The following KCNMB2 variants were observed in gnomAD, a reference collection of about 807,000 sequenced individuals.
KCNMB2 encodes calcium-activated potassium channel subunit beta-2.
Under a neutral mutation model 24.5 loss-of-function variants are expected in KCNMB2, and 9 were observed. The observed-to-expected ratio is 0.37, with a 90% CI of 0.22 to 0.64. The LOEUF is 0.64. KCNMB2 is among the 30% of genes least tolerant of loss of function. The pLI is 0.63. For synonymous variants in KCNMB2, 109 were observed against 104.4 expected (o/e 1.04, Z -0.27); for missense variants, 226 against 284.3 (o/e 0.79, Z 1.47).
At chr3:178,682,416 T>A (rs372679180) in intron 1 of KCNMB2, among the ~76,000 whole-genome samples, 250 of 152,140 alleles carry the variant, frequency 1.6e-3, no homozygotes, top group African/African-American at 5.8e-3. Context: ...TCCTCAAGTA[T>A]AATGTTGATT....
chr3:178,799,883 T>A (rs923477387), intron 1 of KCNMB2, among the ~76,000 whole-genome samples: 1 of 151,960 alleles, frequency 6.6e-6, no homozygotes, highest in African/African-American at 2.4e-5. Flanking sequence ...CACATCTACA[T>A]TAAACTCATT....
chr3:178,544,895 A>G (rs1715728340), intron 1 of KCNMB2, among the ~76,000 whole-genome samples: 1 of 152,208 alleles, frequency 6.6e-6, no homozygotes, highest in Non-Finnish European at 1.5e-5. Context: ...GACTAGAACT[A>G]TATTAAGTAT....
intron 1 of KCNMB2, among the ~76,000 whole-genome samples, chr3:178,652,101 C>T (rs1185813582): frequency 7.6e-6 from 1 of 131,594 alleles, no homozygotes; most frequent in Non-Finnish European, 1.6e-5. Flanking sequence ...AACTTCTGCA[C>T]AGCAAAAGAA....
chr3:178,606,778 AG>A (rs1312169608), intron 1 of KCNMB2, among the ~76,000 whole-genome samples: 1 of 152,148 alleles, frequency 6.6e-6, no homozygotes, highest in East Asian at 1.9e-4. Flanking sequence ...TTAAGAGGTA[AG>A]GGGCTTTGGT....
chr3:178,553,722 T>G (rs1716034438), intron 1 of KCNMB2, among the ~76,000 whole-genome samples: 1 of 152,050 alleles, frequency 6.6e-6, no homozygotes, highest in Non-Finnish European at 1.5e-5. Flanking sequence ...GTATTTTTAG[T>G]AGAGATGGGG....
chr3:178,553,648 T>C (rs746168920), intron 1 of KCNMB2, among the ~76,000 whole-genome samples: 2 of 152,012 alleles, frequency 1.3e-5, no homozygotes, highest in Non-Finnish European at 2.9e-5. Context: ...GTGATTCTCT[T>C]GCCTCATCAC....
chr3:178,673,439 T>C (rs183886206), intron 1 of KCNMB2, among the ~76,000 whole-genome samples: 2 of 152,156 alleles, frequency 1.3e-5, no homozygotes, highest in East Asian at 1.9e-4. Context: ...TGACCTTAAT[T>C]CTTATTTTAC....
At position 178,647,795 on chromosome 3, in the gene KCNMB2, C is replaced by A. The variant is rs542599143; in HGVS notation, c.-68+111084C>A. On this transcript the variant is annotated intron_variant, in intron 1 of 4. Transcript: ENST00000452583. ...GGGATATAGAAAAGAGCAACGTGGA[C>A]ACGATTCTGGACATACTAAAATATA... 1.9e-4 allele frequency among the ~76,000 whole-genome samples: 29 copies of A among 152,122 alleles called. No individual in the cohort carries two copies. The South Asian group carries it at 6.0e-3, about 32-fold the overall frequency.
chr3:178,592,883 T>A lies in KCNMB2; in HGVS notation c.-68+56172T>A, dbSNP rs577827915. Among the ~76,000 whole-genome samples the A allele has an allele frequency of 4.6e-5, 7 of 152,222 alleles. 1 individual carries two copies. The South Asian group carries it at 1.5e-3, about 32-fold the overall frequency. On this transcript the variant is annotated intron_variant, in intron 1 of 4. Transcript: ENST00000452583. ...CTGGAGCTTCTAATGCACACTGAAG[T>A]CGTTTTCTTTTTTCGTGTGACTCTT...
At position 178,819,354 on chromosome 3, in the gene KCNMB2, A is replaced by C. The variant is rs867872469; in HGVS notation, c.57-6234A>C. On this transcript the variant is annotated intron_variant, in intron 2 of 4. Coordinates refer to ENST00000452583, the MANE Select transcript of KCNMB2 (RefSeq NM_181361.3). ...AAACCACACTAAATGGAATGAAAAC[A>C]TTTACAGGGGGGCCAGATTTAGGGC... is the stretch of plus-strand genomic sequence containing the variant. Among the ~76,000 whole-genome samples the C allele has an allele frequency of 2.6e-5, 4 of 152,116 alleles. No homozygotes were observed. In the South Asian group the frequency reaches 8.3e-4, roughly 32 times the overall value.
At chr3:178,813,593 G>A (rs1015764448) in intron 2 of KCNMB2, among the ~76,000 whole-genome samples, 8 of 151,932 alleles carry the variant, frequency 5.3e-5, no homozygotes, top group Non-Finnish European at 8.8e-5. Context: ...CAATCCTTAC[G>A]GTTTTTTCTC....
chr3:178,738,758 T>A (rs1723397646), intron 1 of KCNMB2, among the ~76,000 whole-genome samples: 1 of 152,138 alleles, frequency 6.6e-6, no homozygotes, highest in Non-Finnish European at 1.5e-5. Context: ...CATTAGGCCC[T>A]CACAGTACTT....
chr3:178,659,373 G>A (rs1720448827), intron 1 of KCNMB2, among the ~76,000 whole-genome samples: 1 of 152,180 alleles, frequency 6.6e-6, no homozygotes, highest in Admixed American at 6.6e-5. Context: ...TGTGAAGCTG[G>A]AGAGTTAAAG....
chr3:178,738,695 A>G (rs956775261), intron 1 of KCNMB2, among the ~76,000 whole-genome samples: 1 of 152,134 alleles, frequency 6.6e-6, no homozygotes, highest in Admixed American at 6.5e-5. Context: ...TTGACTCTCC[A>G]TAGTAGATTC....
At position 178,613,602 on chromosome 3, in the gene KCNMB2, A is replaced by G. The variant is rs114917355; in HGVS notation, c.-68+76891A>G. On this transcript the variant is annotated intron_variant, in intron 1 of 4. Transcript: ENST00000452583. Reference sequence around the variant, plus strand: ...ATGATGAAGGATATTTTCACCAGATACGCTACTCAAGGGTAAAGTTCAGCA... The same window carrying G: ...ATGATGAAGGATATTTTCACCAGATGCGCTACTCAAGGGTAAAGTTCAGCA... Among the ~76,000 whole-genome samples, 1,289 of 152,306 alleles carry G rather than the reference A, an allele frequency of 8.5e-3. 16 individuals are homozygous for G. The highest frequency in any genetic ancestry group is 0.03 in the African/African-American group (1,254 of 41,568).
At chr3:178,626,099 G>A (rs752571448) in intron 1 of KCNMB2, among the ~76,000 whole-genome samples, 10 of 152,158 alleles carry the variant, frequency 6.6e-5, no homozygotes, top group Non-Finnish European at 1.5e-4. Flanking sequence ...TACCACTGAG[G>A]AAAATGGAAA....
intron 2 of KCNMB2, among the ~76,000 whole-genome samples, chr3:178,820,887 A>G (rs1474153596): frequency 6.6e-6 from 1 of 152,248 alleles, no homozygotes; most frequent in East Asian, 1.9e-4. Context: ...TAAAGACTGC[A>G]CATATCTACT....
chr3:178,665,468 G>A (rs977219108), intron 1 of KCNMB2, among the ~76,000 whole-genome samples: 13 of 152,124 alleles, frequency 8.5e-5, no homozygotes, highest in African/African-American at 3.1e-4. Context: ...AAGTCCTTAC[G>A]TAACATTTTA....
chr3:178,787,517 T>C (rs1713156283), intron 1 of KCNMB2, among the ~76,000 whole-genome samples: 1 of 152,092 alleles, frequency 6.6e-6, no homozygotes, highest in South Asian at 2.1e-4. Flanking sequence ...AAAAGACAAA[T>C]GTAAAAAAGC....
Sources: gnomAD v4.1 joint callset for allele counts (sites outside exome capture counted in the v4.1 genomes callset) on GRCh38, gnomAD v4.1.1 for gene constraint, MANE v1.5 for transcripts, NCBI Gene and HGNC (gene_info 2026-07-23, HGNC 2026-07-21) for gene names.